The following FAM184A variants were observed in gnomAD, a reference collection of about 807,000 sequenced individuals.
FAM184A encodes the protein family with sequence similarity 184 member A, also known as protein FAM184A.
FAM184A carries 99 observed loss-of-function variants against 143.8 expected under a neutral mutation model. The observed-to-expected ratio is 0.69, with a 90% CI of 0.58 to 0.81. FAM184A has a LOEUF of 0.81. Ranked by LOEUF, FAM184A falls within the 40% of genes least tolerant of loss-of-function variation. The pLI, the probability that FAM184A is intolerant of heterozygous loss-of-function variation, is 0.00. For missense variants in FAM184A, 1,217 were observed against 1,310.5 expected (o/e 0.93, Z 1.10); for synonymous variants, 427 against 446.4 (o/e 0.96, Z 0.55).
chr6:119,099,844 C>T (rs1268813938), intron 1 of FAM184A, among the ~76,000 whole-genome samples: 1 of 152,140 alleles, frequency 6.6e-6, no homozygotes, highest in Non-Finnish European at 1.5e-5. Flanking sequence ...TTTGCAGTCT[C>T]CTTTGTAACA....
chr6:119,142,669 G>A (rs1416057783), intron 1 of FAM184A, among the ~76,000 whole-genome samples: 2 of 152,188 alleles, frequency 1.3e-5, no homozygotes, highest in African/African-American at 4.8e-5. Context: ...CGAAGCCTCA[G>A]CATCTACAAA....
At chr6:119,071,860 C>CTTTTTTTTTTTTTTTTTTTTTTTTTTTT (rs35786966) in intron 1 of FAM184A, among the ~76,000 whole-genome samples, 1 of 94,164 alleles carries the variant, frequency 1.1e-5, no homozygotes, top group Non-Finnish European at 2.0e-5. Context: ...AACCTTTAAT[C>CTTTTTTTTTTTTTTTTTTTTTTTTTTTT]TTTTTTTTTT....
intron 1 of FAM184A, among the ~76,000 whole-genome samples, chr6:119,127,493 G>A (rs1465393117): frequency 6.6e-6 from 1 of 152,148 alleles, no homozygotes; most frequent in Non-Finnish European, 1.5e-5. Flanking sequence ...ACATATCCTG[G>A]GTAACTGTCA....
rs1249800263 is a variant in FAM184A at position 119,024,447 on chromosome 6, G to A, written c.526C>T (p.Gln176Ter). 6.2e-7 allele frequency: 1 copy of A among 1,613,974 alleles called. No individual in the cohort carries two copies. The highest frequency in any genetic ancestry group is 8.5e-7 in the Non-Finnish European group (1 of 1,180,032). ...CGTTTGTCTTTTTCAAACTGTACTT[G>A]AAGTTGTCCAAAGCTCCGTAATTTT... The part of the protein sequence containing the change: ...EEKLRSFGQL[Q>*]VQFEKDKRLA... The change falls in exon 2 of 18, where the codon CAA becomes TAA. Residue 176 changes from glutamine to a stop codon, truncating the protein, a stop_gained. Coordinates refer to ENST00000338891, the MANE Select transcript of FAM184A (RefSeq NM_024581.6). LOFTEE classifies it high-confidence loss of function.
chr6:119,053,415 T>G (rs1011259739), intron 1 of FAM184A, among the ~76,000 whole-genome samples: 11 of 152,208 alleles, frequency 7.2e-5, no homozygotes, highest in African/African-American at 2.7e-4. Flanking sequence ...CTGACTCCTG[T>G]GTTTATAGCT....
chr6:119,109,127 T>C (rs4945629), intron 1 of FAM184A, among the ~76,000 whole-genome samples: 1 of 21,968 alleles, frequency 4.6e-5, no homozygotes, highest in African/African-American at 1.8e-4. Flanking sequence ...TTGGTCTTAT[T>C]GTTTTCTCAA....
intron 1 of FAM184A, among the ~76,000 whole-genome samples, chr6:119,029,734 C>T (rs1189460878): frequency 6.6e-6 from 1 of 152,112 alleles, no homozygotes; most frequent in African/African-American, 2.4e-5. Flanking sequence ...TAGTGAGGAG[C>T]TTTTATTTCA....
At chr6:119,061,168 G>A (rs1236947814) in intron 1 of FAM184A, among the ~76,000 whole-genome samples, 1 of 152,144 alleles carries the variant, frequency 6.6e-6, no homozygotes, top group African/African-American at 2.4e-5. Context: ...GAAGGTATAG[G>A]TAAAAGAGCT....
intron 11 of FAM184A, 61 bp downstream of exon 11, chr6:118,979,304 A>T: frequency 6.8e-7 from 1 of 1,469,688 alleles, no homozygotes. Flanking sequence ...TTTATGTTGA[A>T]TTTAAAAAAT....
At chr6:119,128,117 GAGATCT>G (rs1367464785) in intron 1 of FAM184A, among the ~76,000 whole-genome samples, 85 of 152,200 alleles carry the variant, frequency 5.6e-4, no homozygotes, top group African/African-American at 2.0e-3. Flanking sequence ...CATTAAAACA[GAGATCT>G]TAAGACTGAC....
chr6:119,073,845 G>C (rs955240145), intron 1 of FAM184A, among the ~76,000 whole-genome samples: 3 of 152,228 alleles, frequency 2.0e-5, no homozygotes, highest in African/African-American at 4.8e-5. Flanking sequence ...ACCACTAGCA[G>C]AGTTTGTGCA....
At chr6:119,111,859 T>C (rs1788943152) in intron 1 of FAM184A, among the ~76,000 whole-genome samples, 3 of 152,216 alleles carry the variant, frequency 2.0e-5, no homozygotes, top group Admixed American at 2.0e-4. Context: ...GACTGAATAT[T>C]TTCATTAAAG....
intron 1 of FAM184A, among the ~76,000 whole-genome samples, chr6:119,085,687 T>C (rs939219345): frequency 6.6e-6 from 1 of 152,192 alleles, no homozygotes; most frequent in South Asian, 2.1e-4. Flanking sequence ...TAGTCTATTC[T>C]TACTATGCAG....
chr6:119,101,920 G>C (rs745666395), intron 1 of FAM184A, among the ~76,000 whole-genome samples: 1 of 152,116 alleles, frequency 6.6e-6, no homozygotes, highest in Non-Finnish European at 1.5e-5. Context: ...GCTGGGCTTG[G>C]TGGCGTGTGC....
chr6:119,110,525 T>C lies in FAM184A; in HGVS notation c.-202+38553A>G, dbSNP rs1788905683. On this transcript the variant is annotated intron_variant, in intron 1 of 16. Transcript: ENST00000352896. The stretch of plus-strand genomic sequence containing the variant: ...CCTAATCAAAATTGGGGTTTTTATT[T>C]GTAGGCAAAAAAGTGAAAAGGATAT... 2.6e-5 allele frequency among the ~76,000 whole-genome samples: 4 copies of C among 151,940 alleles called. No individual in the cohort carries two copies. The South Asian group carries it at 8.3e-4, about 32-fold the overall frequency.
chr6:119,102,910 T>C (rs994209465), intron 1 of FAM184A, among the ~76,000 whole-genome samples: 1 of 151,490 alleles, frequency 6.6e-6, no homozygotes, highest in Non-Finnish European at 1.5e-5. Context: ...AAAGAGCATA[T>C]AGTAGGCCTT....
intron 1 of FAM184A, among the ~76,000 whole-genome samples, chr6:119,058,837 T>C (rs562776827): frequency 3.3e-5 from 5 of 152,240 alleles, no homozygotes; most frequent in African/African-American, 1.2e-4. Flanking sequence ...GCAGGTCCAA[T>C]TATACCCAGC....
chr6:118,965,768 C>A (rs1386664075), intron 15 of FAM184A, among the ~76,000 whole-genome samples: 1 of 152,198 alleles, frequency 6.6e-6, no homozygotes, highest in African/African-American at 2.4e-5. Flanking sequence ...AGTTGCTTTA[C>A]TGTATTTGCT....
intron 5 of FAM184A, 29 bp from the exon 6 acceptor site, chr6:119,011,460 A>G: frequency 7.4e-7 from 1 of 1,345,144 alleles, no homozygotes; most frequent in South Asian, 1.3e-5. Context: ...TTAAAAATTA[A>G]CAAAATTGCA....
Sources: allele counts gnomAD v4.1 joint callset (sites outside exome capture counted in the v4.1 genomes callset), GRCh38; gene constraint gnomAD v4.1.1; transcripts MANE v1.5; gene names NCBI Gene and HGNC (gene_info 2026-07-23, HGNC 2026-07-21).